ITGA4: variants seen among roughly 807,000 people sequenced by gnomAD.
The protein encoded by ITGA4 is integrin alpha-4.
ITGA4 carries 63 observed loss-of-function variants against 133.6 expected under a neutral mutation model. The ratio of observed to expected loss-of-function variants is 0.47; its 90% CI spans 0.38 to 0.58. The LOEUF (loss-of-function observed/expected upper bound fraction) is 0.58, where lower values mean the gene tolerates loss of function less well. Among genes scored for constraint, ITGA4 ranks in the 20% least tolerant of loss-of-function variants. The probability of loss-of-function intolerance (pLI) is 0.00; values close to 1 mark genes in which losing one functional copy is unlikely to be tolerated. For missense variants in ITGA4, 1,076 were observed against 1,252.7 expected (o/e 0.86, Z 2.13); for synonymous variants, 483 against 438.0 (o/e 1.10, Z -1.28).
At chr2:181,492,837 C>T (rs533445822) in intron 10 of ITGA4, among the ~76,000 whole-genome samples, 2 of 152,312 alleles carry the variant, frequency 1.3e-5, no homozygotes, top group African/African-American at 4.8e-5. Flanking sequence ...TAAGTCTAGA[C>T]TCCCAAAATA....
chr2:181,516,368 G>A lies in ITGA4; in HGVS notation c.1922+4593G>A, dbSNP rs994029545. Among the ~76,000 whole-genome samples, 16 of 152,028 alleles carry A rather than the reference G, an allele frequency of 1.1e-4. No homozygotes were observed. Among genetic ancestry groups the A allele is most frequent in the Admixed American group, 9.8e-4 (15 of 15,234 alleles). Reference sequence around the variant, plus strand: ...CGCATAATAAGCAGTCTTGAGGAAGGATGTTCACAGGTTTGGTGAACAGCT... The same window carrying A: ...CGCATAATAAGCAGTCTTGAGGAAGAATGTTCACAGGTTTGGTGAACAGCT... On this transcript the variant is annotated intron_variant, in intron 17 of 27. Transcript: ENST00000397033. The surrounding 1 kb of genome is among the most constrained non-coding windows in gnomAD (Gnocchi z 4.0).
chr2:181,521,824 A>G (rs1686726367), intron 17 of ITGA4, among the ~76,000 whole-genome samples: 1 of 152,198 alleles, frequency 6.6e-6, no homozygotes, highest in Non-Finnish European at 1.5e-5. Context: ...TGTCTATTTT[A>G]GGCTTGCAAG....
At chr2:181,529,900 C>T (rs1559057869) in intron 23 of ITGA4, among the ~76,000 whole-genome samples, 1 of 152,152 alleles carries the variant, frequency 6.6e-6, no homozygotes, top group Non-Finnish European at 1.5e-5. Context: ...TCTACCATCT[C>T]CATTGAATAA....
At chr2:181,461,469 A>G (rs184638149) in intron 2 of ITGA4, among the ~76,000 whole-genome samples, 21 of 151,986 alleles carry the variant, frequency 1.4e-4, no homozygotes, top group African/African-American at 5.1e-4. Flanking sequence ...GAGGAGACCC[A>G]GGTGATTTCT....
rs558463198 is a variant in ITGA4, at chr2:181,475,080, C to G, written c.426+14C>G. 3.7e-6 allele frequency: 6 copies of G among 1,613,136 alleles called. 1 individual carries two copies. The East Asian group carries it at 8.9e-5, about 24-fold the overall frequency. On this transcript the variant is annotated intron_variant, in intron 3 of 27. Transcript: ENST00000397033. ...GGATCCATCGTGGTAGGTATTGGAA[C>G]TGGTCCACAGATCCATCGTGAAATC...
chr2:181,537,614 A>C lies in ITGA4; in HGVS notation c.*2087A>C. 2.3e-6 allele frequency: 1 copy of C among 430,846 alleles called. No individual in the cohort carries two copies. The highest frequency in any genetic ancestry group is 4.6e-6 in the Non-Finnish European group (1 of 219,194). The allele number at this position is 430,846 out of a possible 1,614,324, so 26.7% of individuals were successfully genotyped here. A position where few individuals can be genotyped will look rare whatever the true frequency, so the allele number is the denominator to read the frequency against. ...ATTTGTAACAGAATATAGGAAATTT[A>C]ACATAATTGATGAGCTCAAATCCTG... On this transcript the variant is annotated 3_prime_UTR_variant, in exon 28 of 28. Transcript: ENST00000397033.
At chr2:181,494,053 T>C (rs781247859) in intron 11 of ITGA4, among the ~76,000 whole-genome samples, 2 of 152,194 alleles carry the variant, frequency 1.3e-5, no homozygotes, top group Non-Finnish European at 2.9e-5. Flanking sequence ...GTAATTGACA[T>C]AAAAGAAATG....
At chr2:181,469,465 T>TG (rs1208217546) in intron 2 of ITGA4, among the ~76,000 whole-genome samples, 6 of 152,194 alleles carry the variant, frequency 3.9e-5, no homozygotes, top group African/African-American at 1.4e-4. Flanking sequence ...ACACTGTTGA[T>TG]GGGACTGTAA....
chr2:181,485,876 T>C lies in ITGA4; in HGVS notation c.1042-5T>C, dbSNP rs1685902949. 2 of 1,591,954 alleles carry C rather than the reference T, an allele frequency of 1.3e-6. No individual in the cohort carries two copies. Among genetic ancestry groups the C allele is most frequent in the African/African-American group, 2.7e-5 (2 of 73,972 alleles). On this transcript the variant is annotated splice_region_variant and splice_polypyrimidine_tract_variant and intron_variant, in intron 9 of 27. Transcript: ENST00000397033. Reference sequence around the variant, plus strand: ...ATGACACGTTTTCTCTCCCTTTCTATCTAGGGAGCAGTAATGAATGCAATG... The same window carrying C: ...ATGACACGTTTTCTCTCCCTTTCTACCTAGGGAGCAGTAATGAATGCAATG...
chr2:181,527,199 G>A (rs1375953511), intron 21 of ITGA4, 98 bp from the exon 22 acceptor site: 15 of 670,486 alleles, frequency 2.2e-5, no homozygotes, highest in Non-Finnish European at 3.8e-5. Flanking sequence ...ATTCCATGGT[G>A]ACTTGTAAAT....
chr2:181,480,013 A>G, intron 5 of ITGA4, 124 bp from the exon 6 acceptor site: 1 of 594,862 alleles, frequency 1.7e-6, no homozygotes, highest in Non-Finnish European at 2.6e-6. Context: ...TTAACTTCAC[A>G]GAATATTCCT....
At chr2:181,475,347 TTTTAAA>T (rs1414125422) in intron 4 of ITGA4, 59 bp downstream of exon 4, 4 of 1,360,778 alleles carry the variant, frequency 2.9e-6, no homozygotes, top group Non-Finnish European at 4.1e-6. Flanking sequence ...CCTTTTAGTG[TTTTAAA>T]TTTATGTTCA....
chr2:181,484,982 A>G (rs1256347838), intron 9 of ITGA4, among the ~76,000 whole-genome samples: 2 of 152,204 alleles, frequency 1.3e-5, no homozygotes, highest in Non-Finnish European at 2.9e-5. Context: ...AAAGACTGAC[A>G]TGATCAAAGT....
At chr2:181,475,914 C>G (rs994505482) in intron 4 of ITGA4, 2 of 1,530,084 alleles carry the variant, frequency 1.3e-6, no homozygotes, top group African/African-American at 1.4e-5. Flanking sequence ...TGCAGCAAAA[C>G]TAAAATCCAA....
At chr2:181,535,301 T>A (rs1414442656) in intron 27 of ITGA4, 131 bp from the exon 28 acceptor site, 17 of 713,700 alleles carry the variant, frequency 2.4e-5, no homozygotes, top group Non-Finnish European at 3.8e-5. Context: ...CTGTTAAACC[T>A]TTATGACTGA....
At chr2:181,499,724 T>C (rs142486090) in intron 15 of ITGA4, among the ~76,000 whole-genome samples, 1 of 152,304 alleles carries the variant, frequency 6.6e-6, no homozygotes, top group Non-Finnish European at 1.5e-5. Flanking sequence ...GCCAAAAGTA[T>C]AGAATATTAA....
At chr2:181,471,855 C>T (rs1004320566) in intron 2 of ITGA4, among the ~76,000 whole-genome samples, 13 of 152,122 alleles carry the variant, frequency 8.5e-5, no homozygotes, top group Admixed American at 6.5e-4. Context: ...TAATTGTTCT[C>T]CTATTTCTAA....
rs1011185298 is a variant in ITGA4 at position 181,457,849 on chromosome 2, A to C, written c.195A>C (p.Arg65=). 1 of 1,610,872 alleles carries C rather than the reference A, an allele frequency of 6.2e-7. No homozygotes were observed. Among genetic ancestry groups the C allele is most frequent in the Non-Finnish European group, 8.5e-7 (1 of 1,178,464 alleles). The change falls in exon 1 of 28, where the codon CGA becomes CGC. Residue 65 remains arginine (R), a splice_region_variant and synonymous_variant. Coordinates refer to ENST00000397033, the MANE Select transcript of ITGA4 (RefSeq NM_000885.6). ...SVVLHSHGAN[R]WLLVGAPTAN... ...TGCTGCACAGCCACGGGGCGAACCG[A>C]TGGTGAGTAGAGTTGGACTGATGCG...
chr2:181,499,504 C>T (rs2105748213), intron 15 of ITGA4, among the ~76,000 whole-genome samples: 1 of 152,254 alleles, frequency 6.6e-6, no homozygotes, highest in East Asian at 1.9e-4. Flanking sequence ...AAAAACCAAA[C>T]TATTCCCAGG....
Sources: allele counts gnomAD v4.1 joint callset (sites outside exome capture counted in the v4.1 genomes callset), GRCh38; gene constraint gnomAD v4.1.1; non-coding constraint Gnocchi (gnomAD v3.1); transcripts MANE v1.5; gene names NCBI Gene and HGNC (gene_info 2026-07-23, HGNC 2026-07-21).